SULT1A1: variants seen among roughly 807,000 people sequenced by gnomAD.
The protein encoded by SULT1A1 is sulfotransferase 1A1.
SULT1A1 carries 35 observed loss-of-function variants against 36.8 expected under a neutral mutation model. The ratio of observed to expected loss-of-function variants is 0.95; its 90% confidence interval spans 0.73 to 1.26. SULT1A1 has a LOEUF of 1.26. Ranked by LOEUF, SULT1A1 falls within the 50% of genes most tolerant of loss-of-function variation. The pLI is 0.00. For missense variants in SULT1A1, 309 were observed against 383.0 expected, an observed-to-expected ratio of 0.81 and a Z score of 1.61; for synonymous variants, 119 against 146.0, an observed-to-expected ratio of 0.82 and a Z score of 1.33.
chr16:28,605,619 T>A lies in SULT1A1; in HGVS notation c.*202A>T, dbSNP rs2047143248. On this transcript the variant is annotated 3_prime_UTR_variant, in exon 8 of 8. Transcript: ENST00000314752. ...TTTAAAAATTGGTTTTATTTTATTT[T>A]ATTTTTTTAACAGAATCTCACTATG... 4 of 885,064 alleles carry A rather than the reference T, an allele frequency of 4.5e-6. No homozygotes were observed. The highest frequency in any genetic ancestry group is 6.9e-6 in the Non-Finnish European group (4 of 582,730). The allele number at this position is 885,064 out of a possible 1,614,324, so 54.8% of individuals were successfully genotyped here.
intron 1 of SULT1A1, among the ~76,000 whole-genome samples, chr16:28,622,593 C>T (rs2047677818): frequency 6.6e-6 from 1 of 152,170 alleles, no homozygotes; most frequent in South Asian, 2.1e-4. Flanking sequence ...CAGATTCCAC[C>T]TGCTCTGCCC....
At chr16:28,617,624 C>T (rs1209949719) in intron 2 of SULT1A1, among the ~76,000 whole-genome samples, 1 of 152,032 alleles carries the variant, frequency 6.6e-6, no homozygotes, top group Non-Finnish European at 1.5e-5. Context: ...TCACTGCAAC[C>T]TCCGCCTCCC....
At chr16:28,609,492 G>A (rs1476866741) in intron 1 of SULT1A1, 1 of 1,059,504 alleles carries the variant, frequency 9.4e-7, no homozygotes, top group Non-Finnish European at 1.3e-6. Flanking sequence ...GCCTAGGCAG[G>A]GTGGCTCCCA....
intron 2 of SULT1A1, among the ~76,000 whole-genome samples, chr16:28,618,000 C>T (rs577337004): frequency 6.6e-6 from 1 of 151,942 alleles, no homozygotes; most frequent in African/African-American, 2.4e-5. Flanking sequence ...ATTTACAAAT[C>T]CCTGCCTGAA....
rs1367302002 is a variant in SULT1A1, at chr16:28,605,719, A to G, written c.*102T>C. On this transcript the variant is annotated 3_prime_UTR_variant, in exon 8 of 8. Transcript: ENST00000314752. ...AGCCTCCAAATTGCTGGGATTACAG[A>G]CATGACCTACCGTCCCGGGCCCTCA... 6.4e-7 allele frequency: 1 copy of G among 1,562,158 alleles called. No individual in the cohort carries two copies. The highest frequency in any genetic ancestry group is 2.3e-5 in the East Asian group (1 of 43,166).
At chr16:28,620,222 A>G in intron 1 of SULT1A1, 2 of 1,252,116 alleles carry the variant, frequency 1.6e-6, no homozygotes, top group Non-Finnish European at 2.3e-6. Context: ...CCAAAATGCA[A>G]AGTAACCATC....
intron 1 of SULT1A1, 85 bp from the exon 2 acceptor site, chr16:28,608,944 C>T: frequency 1.9e-6 from 3 of 1,609,216 alleles, no homozygotes; most frequent in East Asian, 2.2e-5. Flanking sequence ...AGGGAAGTCA[C>T]TGAGGCCTAG....
At position 28,608,799 on chromosome 16, in the gene SULT1A1, C is replaced by A. The variant is rs34513973; in HGVS notation, c.57G>T (p.Pro19=). 67 of 1,611,802 alleles carry A rather than the reference C, an allele frequency of 4.2e-5. 2 individuals are homozygous for A. The highest frequency in any genetic ancestry group is 5.6e-5 in the Non-Finnish European group (66 of 1,179,366). ...GTGCCTCTGCAAAGTACTTGATGAG[C>A]GGGACCCCCTTCACGTACTCCAGTG... ...RPPLEYVKGV[P]LIKYFAEALG... The change falls in exon 2 of 8, where the codon CCG becomes CCT. Residue 19 remains proline, a synonymous_variant. Transcript: ENST00000314752.
chr16:28,609,656 G>GC (rs1159935177), intron 1 of SULT1A1: 1 of 384,474 alleles, frequency 2.6e-6, no homozygotes, highest in African/African-American at 2.1e-5. Context: ...TACTCCAGAG[G>GC]CTGAGGCAAG....
chr16:28,607,055 G>T lies in SULT1A1; in HGVS notation c.395C>A (p.Ala132Glu), dbSNP rs777643918. ...GTAGTAGGAAACTGCCACATCCTTT[G>T]CGTTGCGGGCAACATAGACCACCTG... is the stretch of plus-strand genomic sequence containing the variant. ...KVKVVYVARN[A>E]KDVAVSYYHF... The change falls in exon 5 of 8, where the codon GCA (alanine) becomes GAA (glutamate). Residue 132 changes from alanine (A) to glutamate (E), a missense_variant. By Grantham distance (107) the Ala-to-Glu change is moderately radical. This residue lies in a region of SULT1A1 where 219 missense variants were observed against 215.3 expected (regional missense o/e 1.02). Transcript: ENST00000314752. The T allele has an allele frequency of 6.2e-7, 1 of 1,612,492 alleles. No individual in the cohort carries two copies.
intron 2 of SULT1A1, among the ~76,000 whole-genome samples, chr16:28,616,660 G>T (rs1409283880): frequency 6.6e-6 from 1 of 151,718 alleles, no homozygotes; most frequent in African/African-American, 2.4e-5. Flanking sequence ...TAACCTCAAG[G>T]GATCCTCTCG....
In SULT1A1 at chr16:28,605,440, T is replaced by G; in HGVS notation, c.*381A>C. On this transcript the variant is annotated 3_prime_UTR_variant, in exon 8 of 8. Coordinates refer to ENST00000314752, the MANE Select transcript of SULT1A1 (RefSeq NM_001055.4). Reference sequence around the variant, plus strand: ...TGCCCACCATCACGTACAGATAATTTTCTCAAATTTTTGTAGGGATGATGT... The same window carrying G: ...TGCCCACCATCACGTACAGATAATTGTCTCAAATTTTTGTAGGGATGATGT... The G allele has an allele frequency of 5.8e-6, 2 of 343,588 alleles. No homozygotes were observed. The highest frequency in any genetic ancestry group is 5.1e-5 in the South Asian group (2 of 39,490). The allele number at this position is 343,588 out of a possible 1,614,324, so 21.3% of individuals were successfully genotyped here. A position where few individuals can be genotyped will look rare whatever the true frequency, so the allele number is the denominator to read the frequency against.
At chr16:28,616,451 T>C (rs1030953603) in intron 2 of SULT1A1, among the ~76,000 whole-genome samples, 6 of 152,064 alleles carry the variant, frequency 3.9e-5, no homozygotes, top group African/African-American at 7.2e-5. Flanking sequence ...CATGCCTGGC[T>C]AATTTTTTGT....
chr16:28,606,917 A>G (rs7499134), intron 5 of SULT1A1, 34 bp downstream of exon 5: 1,602,700 of 1,612,320 alleles, frequency 0.99, 796,941 homozygotes, highest in East Asian at 1. Context: ...ACCACCCCTT[A>G]GCTCCACACT....
chr16:28,611,022 T>A (rs1334121273), upstream of SULT1A1: 1 of 152,364 alleles, frequency 6.6e-6, no homozygotes, highest in African/African-American at 2.4e-5. Flanking sequence ...TCTCATATGC[T>A]AGGGCCATGG....
At chr16:28,608,114 A>T in intron 4 of SULT1A1, 177 bp downstream of exon 4, 1 of 902,312 alleles carries the variant, frequency 1.1e-6, no homozygotes, top group Non-Finnish European at 1.7e-6. Context: ...CAGGCTTCGG[A>T]GTAGCTGGGA....
chr16:28,606,077 T>C lies in SULT1A1; in HGVS notation c.754A>G (p.Ile252Val). The C allele has an allele frequency of 1.3e-6, 2 of 1,595,416 alleles. No individual in the cohort carries two copies. Among genetic ancestry groups the C allele is most frequent in the East Asian group, 2.3e-5 (1 of 43,718 alleles). ...CCACCTTTCCTCATGAAGGGGGAGATGCTGTGGTCCATGAACTCCTGGGGG... is the reference window on the plus strand; with the variant it reads ...CCACCTTTCCTCATGAAGGGGGAGACGCTGTGGTCCATGAACTCCTGGGGG... Reference protein sequence around the residue: ...TVPQEFMDHSISPFMRKGMAG... With the variant: ...TVPQEFMDHSVSPFMRKGMAG... Residue 252 changes from isoleucine to valine, a missense_variant, in exon 7 of 8, where the codon ATC becomes GTC. Ile to Val is a conservative substitution (Grantham distance 29). Transcript: ENST00000314752.
chr16:28,610,063 G>C, upstream of SULT1A1: 2 of 1,286,108 alleles, frequency 1.6e-6, no homozygotes, highest in Non-Finnish European at 2.0e-6. Flanking sequence ...TCTGGAGCCG[G>C]GGCTGGACTT....
At chr16:28,618,769 T>TA (rs1020021715) in intron 2 of SULT1A1, among the ~76,000 whole-genome samples, 1 of 152,206 alleles carries the variant, frequency 6.6e-6, no homozygotes, top group African/African-American at 2.4e-5. Context: ...TTTGTGATGT[T>TA]AAAGTTCTTT....
Sources: gnomAD v4.1 joint callset for allele counts (sites outside exome capture counted in the v4.1 genomes callset) on GRCh38, gnomAD v4.1.1 for gene constraint, gnomAD v4.1.1 regional missense constraint, MANE v1.5 for transcripts, NCBI Gene and HGNC (gene_info 2026-07-23, HGNC 2026-07-21) for gene names.